Variants in DPYSL2 observed in about 807,000 individuals in gnomAD.
DPYSL2 encodes the protein dihydropyrimidinase-related protein 2.
Under a neutral mutation model 69.9 loss-of-function variants are expected in DPYSL2, and 13 were observed. The ratio of observed to expected loss-of-function variants is 0.19; its 90% confidence interval spans 0.12 to 0.30. The LOEUF is 0.30. Ranked by LOEUF, DPYSL2 falls within the 10% of genes least tolerant of loss-of-function variation. The pLI is 1.00. For missense variants in DPYSL2, 587 were observed against 918.9 expected (o/e 0.64, Z 4.67); for synonymous variants, 326 against 359.1 (o/e 0.91, Z 1.04).
intron 7 of DPYSL2, among the ~76,000 whole-genome samples, chr8:26,628,155 G>T (rs201842218): frequency 6.6e-6 from 1 of 152,184 alleles, no homozygotes; most frequent in African/African-American, 2.4e-5. Flanking sequence ...GGACTGTTTC[G>T]CCAGAAGATT....
chr8:26,515,065 G>A (rs970660898), intron 1 of DPYSL2, among the ~76,000 whole-genome samples: 2 of 152,182 alleles, frequency 1.3e-5, no homozygotes, highest in Admixed American at 6.5e-5. Flanking sequence ...TTTTTTGAGC[G>A]GCTCAGAGCG....
chr8:26,525,707 C>G (rs1468258197), intron 1 of DPYSL2, among the ~76,000 whole-genome samples: 1 of 152,090 alleles, frequency 6.6e-6, no homozygotes, highest in African/African-American at 2.4e-5. Flanking sequence ...TTTTTTAGCT[C>G]TCTATTCTGT....
At position 26,514,803 on chromosome 8, in the gene DPYSL2, C is replaced by A; in HGVS notation, c.354+124C>A. ...GGACCTCGCCTCCCGCATCTGCACGCGCACCCCGCCCTACCCGCCCCTTCT... is the reference window on the plus strand; with the variant it reads ...GGACCTCGCCTCCCGCATCTGCACGAGCACCCCGCCCTACCCGCCCCTTCT... On this transcript the variant is annotated intron_variant, in intron 1 of 13. Coordinates refer to ENST00000521913, the MANE Select transcript of DPYSL2 (RefSeq NM_001197293.3). This position sits in a 1 kb window ranked among gnomAD's most constrained non-coding sequence, Gnocchi z 8.4. The A allele has an allele frequency of 3.4e-6, 3 of 887,228 alleles. No homozygotes were observed. Among genetic ancestry groups the A allele is most frequent in the Non-Finnish European group, 4.7e-6 (3 of 637,820 alleles). 55.0% of individuals were successfully genotyped at this position (887,228 alleles called of 1,614,324 possible).
intron 7 of DPYSL2, among the ~76,000 whole-genome samples, chr8:26,630,730 G>T (rs17322528): frequency 0.16 from 23,841 of 152,094 alleles, 1,959 homozygotes; most frequent in Non-Finnish European, 0.18. Context: ...TCTCTCTTTA[G>T]ATGAGGACAC....
Position 26,655,795 on chromosome 8 carries a change from T to C in DPYSL2, c.*89T>C. On this transcript the variant is annotated 3_prime_UTR_variant, in exon 14 of 14. Coordinates refer to ENST00000521913, the MANE Select transcript of DPYSL2 (RefSeq NM_001197293.3). ...TCTTTCTTCCTTCCTTTTTTTTTTTTTGTTTTTTTTTTTAAGAGCCTGTGA... is the reference window on the plus strand; with the variant it reads ...TCTTTCTTCCTTCCTTTTTTTTTTTCTGTTTTTTTTTTTAAGAGCCTGTGA... 1 of 1,200,228 alleles carries C rather than the reference T, an allele frequency of 8.3e-7. No individual in the cohort carries two copies. Among genetic ancestry groups the C allele is most frequent in the Middle Eastern group, 2.2e-4 (1 of 4,512 alleles). 74.3% of individuals were successfully genotyped at this position (1,200,228 alleles called of 1,614,324 possible). A position where few individuals can be genotyped will look rare whatever the true frequency, so the allele number is the denominator to read the frequency against.
At chr8:26,578,384 G>A in intron 1 of DPYSL2, 7 of 1,590,470 alleles carry the variant, frequency 4.4e-6, no homozygotes, top group Non-Finnish European at 6.0e-6. Context: ...GGGGAAAGGA[G>A]AGGGACCGAA....
At position 26,552,605 on chromosome 8, in the gene DPYSL2, G is replaced by A. The variant is rs117152929; in HGVS notation, c.355-29364G>A. On this transcript the variant is annotated intron_variant, in intron 1 of 13. Coordinates refer to ENST00000521913, the MANE Select transcript of DPYSL2 (RefSeq NM_001197293.3). ...AAAGTCCATGTGCTATTTCTGGTGC[G>A]GGCCTTCTGGCCGGTGGGTCTTCTC... 1.9e-3 allele frequency among the ~76,000 whole-genome samples: 295 copies of A among 152,264 alleles called. 5 individuals carry two copies. The highest frequency in any genetic ancestry group is 0.016 in the Admixed American group (238 of 15,302).
chr8:26,532,222 C>G (rs867317949), intron 1 of DPYSL2, among the ~76,000 whole-genome samples: 1 of 151,972 alleles, frequency 6.6e-6, no homozygotes, highest in African/African-American at 2.4e-5. Context: ...TTCTGTGAAC[C>G]CAGGGATGAG....
chr8:26,583,453 A>G (rs1585524383), intron 2 of DPYSL2, among the ~76,000 whole-genome samples: 2 of 151,978 alleles, frequency 1.3e-5, no homozygotes, highest in Admixed American at 6.6e-5. Flanking sequence ...GAAAATTGCT[A>G]TAGGATAATT....
intron 13 of DPYSL2, among the ~76,000 whole-genome samples, chr8:26,655,173 C>G (rs1803356968): frequency 6.6e-6 from 1 of 152,016 alleles, no homozygotes; most frequent in Non-Finnish European, 1.5e-5. Context: ...CTTCTGTAGT[C>G]TAAACTTCAG....
rs909161400 is a variant in DPYSL2 at position 26,617,886 on chromosome 8, A to G, written c.629-6257A>G. ...TGGGGAGTGACTGTAAGTGGGTACC[A>G]GGTTTCTTTTTTGAGTCATGTTCTA... On this transcript the variant is annotated intron_variant, in intron 3 of 13. Coordinates refer to ENST00000521913, the MANE Select transcript of DPYSL2 (RefSeq NM_001197293.3). The surrounding 1 kb of genome is among the most constrained non-coding windows in gnomAD (Gnocchi z 4.7). Among the ~76,000 whole-genome samples, 4 of 152,040 alleles carry G rather than the reference A, an allele frequency of 2.6e-5. No homozygotes were observed. The highest frequency in any genetic ancestry group is 9.7e-5 in the African/African-American group (4 of 41,420).
At chr8:26,544,294 C>T (rs1800730452) in intron 1 of DPYSL2, among the ~76,000 whole-genome samples, 1 of 152,100 alleles carries the variant, frequency 6.6e-6, no homozygotes, top group Non-Finnish European at 1.5e-5. Flanking sequence ...GGTATCAAAC[C>T]CTTTGGAATT....
chr8:26,579,643 G>C (rs1801441186), intron 1 of DPYSL2, among the ~76,000 whole-genome samples: 1 of 152,206 alleles, frequency 6.6e-6, no homozygotes, highest in South Asian at 2.1e-4. Flanking sequence ...AAATGCATAG[G>C]GGAGGGGGCG....
At chr8:26,603,834 A>G (rs1401654870) in intron 3 of DPYSL2, among the ~76,000 whole-genome samples, 10 of 152,182 alleles carry the variant, frequency 6.6e-5, no homozygotes, top group Admixed American at 6.5e-4. Context: ...TTTATGGATA[A>G]TATTTCATCG....
chr8:26,630,864 G>A (rs1802756212), intron 7 of DPYSL2, among the ~76,000 whole-genome samples: 1 of 152,158 alleles, frequency 6.6e-6, no homozygotes, highest in Non-Finnish European at 1.5e-5. Context: ...GCCACACCTG[G>A]ACCTGGGCTT....
intron 1 of DPYSL2, among the ~76,000 whole-genome samples, chr8:26,552,564 G>A (rs1166779062): frequency 6.6e-6 from 1 of 152,178 alleles, no homozygotes; most frequent in Non-Finnish European, 1.5e-5. Context: ...CTACAGGTCT[G>A]GAGGCTGGGA....
intron 3 of DPYSL2, chr8:26,623,765 G>A: frequency 5.4e-6 from 1 of 186,224 alleles, no homozygotes; most frequent in Non-Finnish European, 1.1e-5. Flanking sequence ...GTCTGGCGGG[G>A]GGCGTCTCAT....
intron 1 of DPYSL2, among the ~76,000 whole-genome samples, chr8:26,550,848 G>C (rs1184141118): frequency 1.3e-5 from 2 of 152,178 alleles, no homozygotes; most frequent in African/African-American, 2.4e-5. Context: ...GAGAGCTGGT[G>C]GGGAGAGGGG....
chr8:26,536,944 G>T (rs1057295036), intron 1 of DPYSL2, among the ~76,000 whole-genome samples: 6 of 152,174 alleles, frequency 3.9e-5, no homozygotes, highest in South Asian at 2.1e-4. Flanking sequence ...CCACCAGAGG[G>T]ACTCTATTTG....
Sources: gnomAD v4.1 joint callset for allele counts (sites outside exome capture counted in the v4.1 genomes callset) on GRCh38, gnomAD v4.1.1 for gene constraint, Gnocchi (gnomAD v3.1) non-coding constraint, MANE v1.5 for transcripts, NCBI Gene and HGNC (gene_info 2026-07-23, HGNC 2026-07-21) for gene names.